The following ARHGAP10 variants were observed in gnomAD, a reference collection of about 807,000 sequenced individuals.
ARHGAP10 encodes Rho GTPase activating protein 10.
A neutral mutation model predicts 108.6 loss-of-function variants in ARHGAP10; 87 were observed. That is an observed-to-expected ratio of 0.80 (90% CI 0.67 to 0.96). The LOEUF is 0.96. Among genes scored for constraint, ARHGAP10 ranks in the 40% least tolerant of loss-of-function variants. The pLI is 0.00. For synonymous variants in ARHGAP10, 347 were observed against 341.1 expected (o/e 1.02, Z -0.19); for missense variants, 939 against 954.5 (o/e 0.98, Z 0.21).
At chr4:147,770,229 G>A (rs944864587) in intron 1 of ARHGAP10, among the ~76,000 whole-genome samples, 12 of 152,132 alleles carry the variant, frequency 7.9e-5, no homozygotes, top group Admixed American at 2.0e-4. Context: ...GTCTATCACA[G>A]CACTTAGAAA....
intron 18 of ARHGAP10, among the ~76,000 whole-genome samples, chr4:148,017,652 C>CTATATA (rs35472561): frequency 0.036 from 3,780 of 105,022 alleles, 101 homozygotes; most frequent in Middle Eastern, 0.074. Context: ...GAGCCAGTAA[C>CTATATA]TATATATATA....
chr4:147,921,780 G>A (rs1037071418), intron 13 of ARHGAP10, among the ~76,000 whole-genome samples: 9 of 152,096 alleles, frequency 5.9e-5, no homozygotes, highest in South Asian at 4.2e-4. Flanking sequence ...CCCACCTGCC[G>A]TCTCTGTGTG....
intron 13 of ARHGAP10, among the ~76,000 whole-genome samples, chr4:147,924,286 G>A (rs1056669496): frequency 6.6e-6 from 1 of 151,990 alleles, no homozygotes; most frequent in Non-Finnish European, 1.5e-5. Flanking sequence ...CGTCCATGTG[G>A]TTTAGGGTTT....
chr4:148,067,303 G>C (rs1458180787), intron 22 of ARHGAP10, among the ~76,000 whole-genome samples: 1 of 152,244 alleles, frequency 6.6e-6, no homozygotes. Context: ...GTGTGTGTTT[G>C]CACCTTACAT....
chr4:147,750,617 G>C (rs1254841655), intron 1 of ARHGAP10, among the ~76,000 whole-genome samples: 3 of 150,568 alleles, frequency 2.0e-5, no homozygotes, highest in Non-Finnish European at 3.0e-5. Flanking sequence ...TTTTTTTTGG[G>C]GGGGGTTGTA....
intron 18 of ARHGAP10, among the ~76,000 whole-genome samples, chr4:147,969,135 T>G (rs952011222): frequency 6.6e-6 from 1 of 152,186 alleles, no homozygotes; most frequent in Non-Finnish European, 1.5e-5. Context: ...AGAAATGTAG[T>G]CCCTTTGGGG....
At chr4:147,863,557 T>C (rs1307934868) in intron 5 of ARHGAP10, 1 of 152,230 alleles carries the variant, frequency 6.6e-6, no homozygotes, top group African/African-American at 2.4e-5. Context: ...GGTGTACACA[T>C]ATCTGTTCGA....
intron 1 of ARHGAP10, among the ~76,000 whole-genome samples, chr4:147,765,424 G>T (rs1179416144): frequency 1.3e-5 from 2 of 151,016 alleles, no homozygotes; most frequent in African/African-American, 2.4e-5. Flanking sequence ...TGTGTCTATT[G>T]TGTTACGTCT....
intron 10 of ARHGAP10, among the ~76,000 whole-genome samples, chr4:147,899,155 G>A (rs1020828065): frequency 6.6e-6 from 1 of 152,090 alleles, no homozygotes; most frequent in Non-Finnish European, 1.5e-5. Flanking sequence ...TGGAGGGCGG[G>A]TTCAGACTCT....
chr4:147,915,713 TC>T (rs955319829), intron 13 of ARHGAP10, among the ~76,000 whole-genome samples: 92 of 152,258 alleles, frequency 6.0e-4, no homozygotes, highest in African/African-American at 9.4e-4. Context: ...TGAATATTTT[TC>T]CCCCCAAAGG....
chr4:147,938,211 G>A (rs1274592866), intron 13 of ARHGAP10, among the ~76,000 whole-genome samples: 1 of 152,068 alleles, frequency 6.6e-6, no homozygotes, highest in Non-Finnish European at 1.5e-5. Context: ...AGGCCTATGG[G>A]AGGGTGGAGG....
chr4:147,969,546 C>T (rs897986500), intron 18 of ARHGAP10, among the ~76,000 whole-genome samples: 3 of 152,038 alleles, frequency 2.0e-5, no homozygotes, highest in Non-Finnish European at 2.9e-5. Flanking sequence ...AATTAGGAAA[C>T]CTTTATGCAA....
At chr4:147,938,755 C>T (rs1738049101) in intron 13 of ARHGAP10, among the ~76,000 whole-genome samples, 2 of 152,196 alleles carry the variant, frequency 1.3e-5, no homozygotes, top group Non-Finnish European at 2.9e-5. Context: ...GGATTAGAGG[C>T]ATCATCTGCC....
At chr4:147,912,578 T>TATAG (rs1736797491) in intron 12 of ARHGAP10, among the ~76,000 whole-genome samples, 1 of 122,866 alleles carries the variant, frequency 8.1e-6, no homozygotes, top group Admixed American at 9.0e-5. Flanking sequence ...TATATATATA[T>TATAG]ATATATATAT....
chr4:147,944,469 C>T (rs1738293220), intron 14 of ARHGAP10, among the ~76,000 whole-genome samples: 2 of 152,234 alleles, frequency 1.3e-5, no homozygotes, highest in African/African-American at 2.4e-5. Context: ...ACCATCACTT[C>T]CTGTTTTACT....
In ARHGAP10 at chr4:147,780,209, C is replaced by G. The variant is rs7663257; in HGVS notation, c.155-42518C>G. Among the ~76,000 whole-genome samples the G allele has an allele frequency of 8.5e-3, 1,301 of 152,254 alleles. 21 individuals carry two copies. Among genetic ancestry groups the G allele is most frequent in the African/African-American group, 0.03 (1,233 of 41,538 alleles). On this transcript the variant is annotated intron_variant, in intron 1 of 22. Transcript: ENST00000336498. ...TTTGATGGCTGCACTCGTTTCACTT[C>G]CCCTTTTCTGTGGCTGTGGGTGGAT...
intron 3 of ARHGAP10, among the ~76,000 whole-genome samples, chr4:147,840,035 A>T (rs974697397): frequency 3.9e-5 from 6 of 152,188 alleles, no homozygotes; most frequent in African/African-American, 1.2e-4. Flanking sequence ...CTCCCAGCTC[A>T]TTTAGAATCC....
intron 14 of ARHGAP10, among the ~76,000 whole-genome samples, chr4:147,944,170 A>G (rs1385505811): frequency 6.6e-6 from 1 of 152,214 alleles, no homozygotes; most frequent in Non-Finnish European, 1.5e-5. Flanking sequence ...ATTGGTTGGC[A>G]AAGTCTTTAG....
At chr4:147,784,990 A>T (rs1410106564) in intron 1 of ARHGAP10, among the ~76,000 whole-genome samples, 7 of 135,616 alleles carry the variant, frequency 5.2e-5, no homozygotes, top group Non-Finnish European at 1.1e-4. Flanking sequence ...TTTAAAATAT[A>T]TATTATGAAA....
Sources: allele counts gnomAD v4.1 joint callset (sites outside exome capture counted in the v4.1 genomes callset), GRCh38; gene constraint gnomAD v4.1.1; transcripts MANE v1.5; gene names NCBI Gene and HGNC (gene_info 2026-07-23, HGNC 2026-07-21).